UNC13C: variants seen among roughly 807,000 people sequenced by gnomAD.
UNC13C encodes the protein protein unc-13 homolog C.
In UNC13C, 174 loss-of-function variants were observed where a neutral mutation model predicts 245.4. That is an observed-to-expected ratio of 0.71 (90% CI 0.63 to 0.80). UNC13C has a LOEUF of 0.80. UNC13C is among the 30% of genes least tolerant of loss of function. The pLI is 0.00. For missense variants in UNC13C, 2,829 were observed against 2,602.9 expected (o/e 1.09, Z -1.89); for synonymous variants, 992 against 895.1 (o/e 1.11, Z -1.93).
the UNC13C span, among the ~76,000 whole-genome samples, chr15:53,905,410 A>ACG: frequency 4.3e-4 from 65 of 151,440 alleles, 1 homozygote; most frequent in East Asian, 9.9e-3. Flanking sequence ...ACACACACAC[A>ACG]CACACACACA....
chr15:54,030,010 G>A (rs959785887), intron 2 of UNC13C, among the ~76,000 whole-genome samples: 1 of 152,116 alleles, frequency 6.6e-6, no homozygotes, highest in Non-Finnish European at 1.5e-5. Context: ...GGCAATTCAG[G>A]GCAGCACACT....
intron 28 of UNC13C, among the ~76,000 whole-genome samples, chr15:54,550,775 A>G (rs1489983544): frequency 6.6e-6 from 1 of 152,136 alleles, no homozygotes; most frequent in Non-Finnish European, 1.5e-5. Flanking sequence ...TGAATCTTGG[A>G]TCTTTATCCC....
chr15:54,172,709 TATATATATATATATATATATATATA>T (rs1177607300), intron 4 of UNC13C, among the ~76,000 whole-genome samples: 11 of 54,238 alleles, frequency 2.0e-4, no homozygotes, highest in East Asian at 1.4e-3. Context: ...CACAGATATA[TATATATATATATATATATATATATA>T]TATATATATA....
intron 26 of UNC13C, among the ~76,000 whole-genome samples, chr15:54,544,365 C>T (rs1896390939): frequency 1.3e-5 from 2 of 152,162 alleles, no homozygotes; most frequent in South Asian, 4.1e-4. Flanking sequence ...AAGCTGGAAG[C>T]ATTCCCTTCG....
chr15:54,213,816 C>A (rs2034957519), intron 4 of UNC13C, among the ~76,000 whole-genome samples: 1 of 151,932 alleles, frequency 6.6e-6, no homozygotes. Flanking sequence ...AGACATTTTG[C>A]AACTTGCCAA....
At chr15:54,525,427 AGAAG>A in intron 24 of UNC13C, 118 bp from the exon 25 acceptor site, 1 of 564,448 alleles carries the variant, frequency 1.8e-6, no homozygotes, top group Non-Finnish European at 2.9e-6. Flanking sequence ...AAAAAAAAAA[AGAAG>A]AGAAAAAAGC....
At chr15:54,114,274 C>A (rs1309597495) in intron 2 of UNC13C, among the ~76,000 whole-genome samples, 1 of 152,180 alleles carries the variant, frequency 6.6e-6, no homozygotes, top group Non-Finnish European at 1.5e-5. Context: ...GAATAAAGCA[C>A]TAAGGATGAA....
chr15:54,055,393 G>A (rs982809078), intron 2 of UNC13C, among the ~76,000 whole-genome samples: 2 of 152,084 alleles, frequency 1.3e-5, no homozygotes, highest in African/African-American at 2.4e-5. Flanking sequence ...ACTGTGGTGA[G>A]TGCTTACCTT....
At chr15:54,016,302 C>T (rs893655104) in intron 2 of UNC13C, among the ~76,000 whole-genome samples, 1 of 152,048 alleles carries the variant, frequency 6.6e-6, no homozygotes, top group Non-Finnish European at 1.5e-5. Context: ...AAGGTGTAAT[C>T]TTAAAAAAAA....
chr15:54,110,654 A>C (rs1458253436), intron 2 of UNC13C, among the ~76,000 whole-genome samples: 1 of 152,228 alleles, frequency 6.6e-6, no homozygotes, highest in African/African-American at 2.4e-5. Context: ...CTTTTTGAGA[A>C]AATTAATTAT....
chr15:54,553,895 G>A (rs1173048343), intron 28 of UNC13C, among the ~76,000 whole-genome samples: 1 of 151,816 alleles, frequency 6.6e-6, no homozygotes, highest in African/African-American at 2.4e-5. Flanking sequence ...TTGTCTGAAA[G>A]CATTTTCCCC....
intron 30 of UNC13C, among the ~76,000 whole-genome samples, chr15:54,604,471 TGA>T (rs1491488796): frequency 6.6e-6 from 1 of 152,188 alleles, no homozygotes. Context: ...CACTTTATTT[TGA>T]GAGGGGCAGT....
chr15:54,140,338 T>C (rs939409384), intron 2 of UNC13C, among the ~76,000 whole-genome samples: 1 of 152,184 alleles, frequency 6.6e-6, no homozygotes, highest in Non-Finnish European at 1.5e-5. Context: ...AAATTGTCCA[T>C]TCCAATATTT....
intron 14 of UNC13C, among the ~76,000 whole-genome samples, chr15:54,325,094 G>C (rs2038261547): frequency 6.6e-6 from 1 of 152,070 alleles, no homozygotes; most frequent in Middle Eastern, 3.4e-3. Flanking sequence ...TAGAAGCACA[G>C]TTATATAAAT....
intron 19 of UNC13C, among the ~76,000 whole-genome samples, chr15:54,441,835 T>A (rs1010076965): frequency 6.6e-6 from 1 of 152,104 alleles, no homozygotes; most frequent in African/African-American, 2.4e-5. Flanking sequence ...AAGATATCTT[T>A]CTATTTGTGT....
chr15:54,303,652 A>G (rs1439436924), intron 13 of UNC13C, among the ~76,000 whole-genome samples: 1 of 149,162 alleles, frequency 6.7e-6, no homozygotes, highest in Non-Finnish European at 1.5e-5. Context: ...CAGTTAATTT[A>G]GAAAGCTTAT....
Position 54,086,737 on chromosome 15 carries a change from C to CTT in UNC13C, c.2984-56264_2984-56263dup, listed in dbSNP as rs57209912. On this transcript the variant is annotated intron_variant, in intron 2 of 32. Coordinates refer to ENST00000260323, the MANE Select transcript of UNC13C (RefSeq NM_001080534.3). Reference sequence around the variant, plus strand: ...GTACTATGTGTTGCTTATTTTCTTTCTTTTTTTTTTTTTTTTTTGAGATGG... The same window carrying CTT: ...GTACTATGTGTTGCTTATTTTCTTTCTTTTTTTTTTTTTTTTTTTTGAGATGG... 2.5e-4 allele frequency among the ~76,000 whole-genome samples: 23 copies of CTT among 92,032 alleles called. 2 individuals are homozygous for CTT. The highest frequency in any genetic ancestry group is 1.1e-3 in the East Asian group (3 of 2,852). 60.4% of individuals were successfully genotyped at this position (92,032 alleles called of 152,430 possible).
Position 54,051,710 on chromosome 15 carries a change from C to T in UNC13C, c.2983+35824C>T, listed in dbSNP as rs1217531037. Among the ~76,000 whole-genome samples, 6 of 150,118 alleles carry T rather than the reference C, an allele frequency of 4.0e-5. No individual in the cohort carries two copies. In the East Asian group the frequency reaches 1.2e-3, roughly 29 times the overall value. On this transcript the variant is annotated intron_variant, in intron 2 of 32. Transcript: ENST00000260323. ...CTGCTGGCATTCGTGTTTTCCAGGG[C>T]CTGAAGAAAGTGGATTGAGCTCGTT...
intron 19 of UNC13C, among the ~76,000 whole-genome samples, chr15:54,450,203 G>A (rs1475276689): frequency 6.6e-6 from 1 of 152,232 alleles, no homozygotes; most frequent in East Asian, 1.9e-4. Flanking sequence ...CTCCCAGTTA[G>A]GCTACTCGGG....
Sources: gnomAD v4.1 joint callset for allele counts (sites outside exome capture counted in the v4.1 genomes callset) on GRCh38, gnomAD v4.1.1 for gene constraint, MANE v1.5 for transcripts, NCBI Gene and HGNC (gene_info 2026-07-23, HGNC 2026-07-21) for gene names.